The following LTA4H variants were observed in gnomAD, a reference collection of about 807,000 sequenced individuals.
The protein encoded by LTA4H is leukotriene A4 hydrolase, also known as leukotriene A-4 hydrolase.
In LTA4H, 59 loss-of-function variants were observed where a neutral mutation model predicts 89.8. That is an observed-to-expected ratio of 0.66 (90% CI 0.53 to 0.82). The LOEUF (loss-of-function observed/expected upper bound fraction) is 0.82. Among genes scored for constraint, LTA4H ranks in the 40% least tolerant of loss-of-function variants. The pLI is 0.00. For synonymous variants in LTA4H, 227 were observed against 253.1 expected, an observed-to-expected ratio of 0.90 and a Z score of 0.98; for missense variants, 617 against 727.0, an observed-to-expected ratio of 0.85 and a Z score of 1.74.
intron 9 of LTA4H, 85 bp downstream of exon 9, chr12:96,017,472 T>C: frequency 8.5e-7 from 1 of 1,182,252 alleles, no homozygotes; most frequent in Non-Finnish European, 1.2e-6. Flanking sequence ...ACCATATCTT[T>C]AACATAAAAA....
intron 1 of LTA4H, 108 bp downstream of exon 1, chr12:96,035,253 G>A: frequency 8.3e-7 from 1 of 1,200,648 alleles, no homozygotes; most frequent in Non-Finnish European, 1.2e-6. Flanking sequence ...CGTGGGGCTA[G>A]GCAGGGGCCG....
chr12:96,030,611 A>T (rs1336695780), intron 1 of LTA4H, among the ~76,000 whole-genome samples: 1 of 152,190 alleles, frequency 6.6e-6, no homozygotes, highest in Non-Finnish European at 1.5e-5. Flanking sequence ...GTTCTTTCAC[A>T]ATGTCTTCAT....
rs1950462742 is a variant in LTA4H, at chr12:96,022,312, T to C, written c.481-61A>G. On this transcript the variant is annotated intron_variant, in intron 4 of 18. Coordinates refer to ENST00000228740, the MANE Select transcript of LTA4H (RefSeq NM_000895.3). This position sits in a 1 kb window ranked among gnomAD's most constrained non-coding sequence, Gnocchi z 4.0. ...AAAAGCTTCTATGTGTCTTAAACCATATATGTAAAATAACCTTTTCTTCCC... is the reference window on the plus strand; with the variant it reads ...AAAAGCTTCTATGTGTCTTAAACCACATATGTAAAATAACCTTTTCTTCCC... The C allele has an allele frequency of 9.2e-7, 1 of 1,089,904 alleles. No individual in the cohort carries two copies. The highest frequency in any genetic ancestry group is 1.6e-5 in the African/African-American group (1 of 63,490). 67.5% of individuals were successfully genotyped at this position (1,089,904 alleles called of 1,614,324 possible).
Position 96,035,380 on chromosome 12 carries a change from T to C in LTA4H, c.140A>G (p.Glu47Gly). 1 of 1,611,100 alleles carries C rather than the reference T, an allele frequency of 6.2e-7. No individual in the cohort carries two copies. The highest frequency in any genetic ancestry group is 8.5e-7 in the Non-Finnish European group (1 of 1,178,718). ...GTAALTVQSQ[E>G]DNLRSLVLDT... The stretch of plus-strand genomic sequence containing the variant: ...CTGTACCAGGCTGCGCAGATTGTCC[T>C]CCTGAGACTGGACCGTGAGAGCAGC... Residue 47 changes from glutamate to glycine, a missense_variant, in exon 1 of 19, where the codon GAG (glutamate) becomes GGG (glycine). This residue lies in a region of LTA4H where 155 missense variants were observed against 143.3 expected (regional missense o/e 1.08). Coordinates refer to ENST00000228740, the MANE Select transcript of LTA4H (RefSeq NM_000895.3).
chr12:96,040,293 C>G (rs1431552383), upstream of LTA4H, among the ~76,000 whole-genome samples: 2 of 152,142 alleles, frequency 1.3e-5, no homozygotes, highest in Non-Finnish European at 2.9e-5. Context: ...AATAATCTGC[C>G]TTTCTTCTTT....
intron 3 of LTA4H, among the ~76,000 whole-genome samples, chr12:96,025,833 A>G (rs1283724310): frequency 6.6e-6 from 1 of 151,996 alleles, no homozygotes; most frequent in Non-Finnish European, 1.5e-5. Flanking sequence ...TCTCCAAAAA[A>G]AAAAAAAAAA....
Position 96,026,128 on chromosome 12 carries a change from G to A in LTA4H, c.411+1316C>T, listed in dbSNP as rs553572533. ...AGATGGATTAAGTAGGACTAGCAGA[G>A]CCACCTGGTTCTCTCTCCCAAAATA... is the stretch of plus-strand genomic sequence containing the variant. On this transcript the variant is annotated intron_variant, in intron 3 of 18. Transcript: ENST00000228740. Among the ~76,000 whole-genome samples the A allele has an allele frequency of 3.9e-5, 6 of 152,306 alleles. No individual in the cohort carries two copies. The East Asian group carries it at 1.2e-3, about 29-fold the overall frequency.
At chr12:96,012,491 T>A (rs530582225) in intron 14 of LTA4H, 2 of 152,544 alleles carry the variant, frequency 1.3e-5, no homozygotes, top group East Asian at 3.9e-4. Flanking sequence ...GCAGGTGGAT[T>A]GTTTGAGCTC....
intron 12 of LTA4H, 113 bp from the exon 13 acceptor site, chr12:96,013,966 T>C (rs1273495307): frequency 2.1e-5 from 12 of 572,694 alleles, no homozygotes; most frequent in Non-Finnish European, 2.5e-5. Flanking sequence ...ATTCAGAGAA[T>C]AGGGAAATCT....
At chr12:96,016,905 A>G in intron 10 of LTA4H, 139 bp downstream of exon 10, 1 of 665,862 alleles carries the variant, frequency 1.5e-6, no homozygotes, top group South Asian at 1.8e-5. Context: ...ATGTCAAAAA[A>G]AAAAAAAATC....
At chr12:96,034,521 T>A (rs935922751) in intron 1 of LTA4H, among the ~76,000 whole-genome samples, 4 of 152,208 alleles carry the variant, frequency 2.6e-5, no homozygotes, top group African/African-American at 9.7e-5. Context: ...GAACCAACTA[T>A]TAAAAAAGCG....
chr12:96,029,155 T>C lies in LTA4H; in HGVS notation c.190A>G (p.Lys64Glu), dbSNP rs1254308093. Residue 64 changes from lysine (K) to glutamate (E), a missense_variant, in exon 2 of 19, where the codon AAA becomes GAA. Around this residue, in one of 3 missense-constraint regions of LTA4H, gnomAD observed 155 missense variants for 143.3 expected, o/e 1.08. Transcript: ENST00000228740. The stretch of plus-strand genomic sequence containing the variant: ...ACTTCTTGTCCATTGATCACTACTT[T>C]TTCTATTGTAAGGTCCTTTGTATCC... ...VLDTKDLTIE[K>E]VVINGQEVKY... 2 of 1,572,010 alleles carry C rather than the reference T, an allele frequency of 1.3e-6. No homozygotes were observed. Among genetic ancestry groups the C allele is most frequent in the South Asian group, 2.3e-5 (2 of 86,272 alleles).
chr12:96,024,809 C>T (rs187295461), intron 3 of LTA4H, among the ~76,000 whole-genome samples: 13 of 152,100 alleles, frequency 8.5e-5, no homozygotes, highest in Admixed American at 6.5e-4. Flanking sequence ...GCTGGGATTA[C>T]AGGCATGTAC....
intron 15 of LTA4H, among the ~76,000 whole-genome samples, chr12:96,007,698 C>A (rs888338989): frequency 2.0e-5 from 3 of 152,160 alleles, no homozygotes; most frequent in Admixed American, 6.5e-5. Context: ...GATCATTATC[C>A]ACCTTAACTG....
At chr12:96,035,783 G>T (rs1370979562), upstream of LTA4H, 7 of 595,398 alleles carry the variant, frequency 1.2e-5, no homozygotes, top group East Asian at 2.7e-4. Context: ...GACCAAGCGT[G>T]CTCCTGGAGC....
In LTA4H at chr12:96,003,834, G is replaced by T; in HGVS notation, c.1613+4C>A. The stretch of plus-strand genomic sequence containing the variant: ...TTCCACAGAGACAAGTTAAAATGAT[G>T]TACCTGAATCGTATTTCAGAATTGT... On this transcript the variant is annotated splice_donor_region_variant and intron_variant, in intron 17 of 18. Transcript: ENST00000228740. The T allele has an allele frequency of 3.1e-6, 5 of 1,597,074 alleles. No homozygotes were observed. The highest frequency in any genetic ancestry group is 4.3e-6 in the Non-Finnish European group (5 of 1,167,990).
At chr12:96,034,623 AAG>A (rs1248931665) in intron 1 of LTA4H, among the ~76,000 whole-genome samples, 5 of 152,240 alleles carry the variant, frequency 3.3e-5, no homozygotes, top group Non-Finnish European at 7.3e-5. Context: ...AAGGACCCTG[AAG>A]AGAGAGAGCT....
upstream of LTA4H, among the ~76,000 whole-genome samples, chr12:96,040,587 T>C (rs1437665731): frequency 1.3e-5 from 2 of 152,196 alleles, no homozygotes; most frequent in Non-Finnish European, 2.9e-5. Flanking sequence ...GTAGATAAGA[T>C]ACATTGATGG....
intron 1 of LTA4H, 62 bp downstream of exon 1, chr12:96,035,299 G>C (rs1007121271): frequency 1.3e-6 from 2 of 1,529,756 alleles, no homozygotes; most frequent in African/African-American, 2.7e-5. Context: ...AGCCCGCAAG[G>C]ACTAGGGTCG....
Sources: allele counts gnomAD v4.1 joint callset (sites outside exome capture counted in the v4.1 genomes callset), GRCh38; gene constraint gnomAD v4.1.1; regional missense constraint gnomAD v4.1.1; non-coding constraint Gnocchi (gnomAD v3.1); transcripts MANE v1.5; gene names NCBI Gene and HGNC (gene_info 2026-07-23, HGNC 2026-07-21).